The following KCNG2 variants were observed in gnomAD, a reference collection of about 807,000 sequenced individuals.
KCNG2 encodes the protein potassium voltage-gated channel modifier subfamily G member 2.
A neutral mutation model predicts 12.3 loss-of-function variants in KCNG2; 7 were observed. The observed-to-expected ratio is 0.57, with a 90% CI of 0.32 to 1.07. KCNG2 has a LOEUF of 1.07. Ranked by LOEUF, KCNG2 falls within the 50% of genes least tolerant of loss-of-function variation. KCNG2 has a pLI of 0.04. For missense variants in KCNG2, 703 were observed against 726.0 expected (o/e 0.97, Z 0.36); for synonymous variants, 414 against 351.4 (o/e 1.18, Z -1.99).
chr18:79,842,352 C>T (rs1978486292), intron 1 of KCNG2, among the ~76,000 whole-genome samples: 1 of 152,318 alleles, frequency 6.6e-6, no homozygotes, highest in East Asian at 1.9e-4. Flanking sequence ...GGTGGGCTGA[C>T]TGATAAAGGG....
intron 1 of KCNG2, among the ~76,000 whole-genome samples, chr18:79,820,344 A>G (rs1317466677): frequency 6.6e-6 from 1 of 152,106 alleles, no homozygotes; most frequent in Admixed American, 6.6e-5. Context: ...GCTGAGCCAG[A>G]TGTTGATGCT....
intron 3 of KCNG2, among the ~76,000 whole-genome samples, chr18:79,868,603 CG>C (rs1979705305): frequency 6.6e-6 from 1 of 152,236 alleles, no homozygotes; most frequent in African/African-American, 2.4e-5. Context: ...GTAACAAAAC[CG>C]GAAGCCAGGG....
chr18:79,845,175 A>C (rs1978581177), intron 1 of KCNG2, among the ~76,000 whole-genome samples: 1 of 152,260 alleles, frequency 6.6e-6, no homozygotes, highest in African/African-American at 2.4e-5. Context: ...CTAAAAGGTT[A>C]CGTAGGGTGT....
At chr18:79,860,260 A>T (rs886716491) in intron 2 of KCNG2, among the ~76,000 whole-genome samples, 1 of 152,196 alleles carries the variant, frequency 6.6e-6, no homozygotes, top group Non-Finnish European at 1.5e-5. Context: ...TTGCATTTCC[A>T]ATAGAATTTT....
intron 1 of KCNG2, among the ~76,000 whole-genome samples, chr18:79,842,361 G>A (rs1978486614): frequency 6.6e-6 from 1 of 152,164 alleles, no homozygotes; most frequent in Admixed American, 6.5e-5. Context: ...ACTGATAAAG[G>A]GCTCTCCTTG....
At chr18:79,855,125 A>G (rs1459418190) in intron 1 of KCNG2, among the ~76,000 whole-genome samples, 2 of 151,314 alleles carry the variant, frequency 1.3e-5, no homozygotes, top group Non-Finnish European at 3.0e-5. Flanking sequence ...TCTATTTTCT[A>G]AAGTTCCCAG....
At chr18:79,867,498 G>T (rs1416656591) in intron 3 of KCNG2, among the ~76,000 whole-genome samples, 2 of 104,448 alleles carry the variant, frequency 1.9e-5, no homozygotes, top group African/African-American at 7.2e-5. Flanking sequence ...TCTGGGGGGG[G>T]GATCGTGAGC....
intron 2 of KCNG2, among the ~76,000 whole-genome samples, chr18:79,859,541 TA>T (rs34334338): frequency 0.35 from 53,661 of 152,008 alleles, 11,232 homozygotes; most frequent in Non-Finnish European, 0.45. Flanking sequence ...ACTCACTCAT[TA>T]CCATGAAGAC....
intron 1 of KCNG2, among the ~76,000 whole-genome samples, chr18:79,827,549 A>C (rs868514588): frequency 4.6e-4 from 70 of 152,214 alleles, no homozygotes; most frequent in African/African-American, 1.6e-3. Flanking sequence ...TTCCTGGAGG[A>C]AGGAGGGTGT....
chr18:79,837,352 G>GCA (rs1260229443), intron 1 of KCNG2, among the ~76,000 whole-genome samples: 1 of 152,208 alleles, frequency 6.6e-6, no homozygotes, highest in Admixed American at 6.5e-5. Context: ...TGCTGGCTCT[G>GCA]AGTGATGGTG....
Position 79,817,867 on chromosome 18 carries a change from G to A in KCNG2, c.-115+19853G>A, listed in dbSNP as rs141657317. Among the ~76,000 whole-genome samples, 657 of 152,282 alleles carry A rather than the reference G, an allele frequency of 4.3e-3. 5 individuals are homozygous for A. The highest frequency in any genetic ancestry group is 0.015 in the African/African-American group (614 of 41,562). ...AGGACCCCTCTCTCATTCCTGGTTT[G>A]AGCCCGTGGAAGCCCAGGTCTCGGG... On this transcript the variant is annotated intron_variant, in intron 1 of 3. Coordinates refer to ENST00000316249, the MANE Select transcript of KCNG2 (RefSeq NM_012283.2).
chr18:79,849,219 G>A (rs192837052), intron 1 of KCNG2, among the ~76,000 whole-genome samples: 1 of 152,182 alleles, frequency 6.6e-6, no homozygotes, highest in East Asian at 1.9e-4. Flanking sequence ...TCCCCAGAGG[G>A]GCCTCCGAGC....
In KCNG2 at chr18:79,800,413, C is replaced by T. The variant is rs1050303786; in HGVS notation, c.-115+2399C>T. Among the ~76,000 whole-genome samples, 10 of 152,162 alleles carry T rather than the reference C, an allele frequency of 6.6e-5. No homozygotes were observed. In the East Asian group the frequency reaches 7.7e-4, roughly 12 times the overall value. On this transcript the variant is annotated intron_variant, in intron 1 of 3. Coordinates refer to ENST00000316249, the MANE Select transcript of KCNG2 (RefSeq NM_012283.2). This position sits in a 1 kb window ranked among gnomAD's most constrained non-coding sequence, Gnocchi z 4.0. ...GCCAGTGAGGTCGCTCAGACACAAACGGGTGCTGCCATCAGGTAGCCCAGC... is the reference window on the plus strand; with the variant it reads ...GCCAGTGAGGTCGCTCAGACACAAATGGGTGCTGCCATCAGGTAGCCCAGC...
At chr18:79,836,654 C>T (rs369195437) in intron 1 of KCNG2, among the ~76,000 whole-genome samples, 4 of 152,156 alleles carry the variant, frequency 2.6e-5, no homozygotes, top group African/African-American at 4.8e-5. Flanking sequence ...ACAATCATGG[C>T]GAGAGGTAAA....
intron 3 of KCNG2, among the ~76,000 whole-genome samples, chr18:79,866,223 G>C (rs567868876): frequency 6.7e-6 from 1 of 149,404 alleles, no homozygotes; most frequent in Admixed American, 6.7e-5. Context: ...TCTGTGCTGA[G>C]AGGTCTGGAT....
intron 3 of KCNG2, among the ~76,000 whole-genome samples, chr18:79,865,169 GGCTGCTGAGA>G (rs1979424566): frequency 6.7e-6 from 1 of 149,182 alleles, no homozygotes; most frequent in Admixed American, 6.7e-5. Flanking sequence ...TGAGAGGTCT[GGCTGCTGAGA>G]GGTCTGGGTG....
intron 1 of KCNG2, among the ~76,000 whole-genome samples, chr18:79,804,135 G>A (rs968839352): frequency 3.3e-5 from 5 of 152,190 alleles, no homozygotes; most frequent in African/African-American, 1.2e-4. Context: ...GAGGCCCCAT[G>A]GAAAGGCACT....
chr18:79,883,154 A>G (rs758067633), intron 3 of KCNG2, among the ~76,000 whole-genome samples: 46 of 150,844 alleles, frequency 3.0e-4, no homozygotes, highest in Admixed American at 7.2e-4. Context: ...ATGGGCTCGC[A>G]GGGCCTGACG....
At chr18:79,801,955 T>C (rs1414654809) in intron 1 of KCNG2, among the ~76,000 whole-genome samples, 2 of 152,150 alleles carry the variant, frequency 1.3e-5, no homozygotes, top group Non-Finnish European at 2.9e-5. Context: ...GGGGACCCCT[T>C]CGCCAGGGGT....
Sources: gnomAD v4.1 joint callset for allele counts (sites outside exome capture counted in the v4.1 genomes callset) on GRCh38, gnomAD v4.1.1 for gene constraint, Gnocchi (gnomAD v3.1) non-coding constraint, MANE v1.5 for transcripts, NCBI Gene and HGNC (gene_info 2026-07-23, HGNC 2026-07-21) for gene names.